The following TG variants were observed in gnomAD, a reference collection of about 807,000 sequenced individuals.
The protein encoded by TG is thyroid hormones.
TG carries 270 observed loss-of-function variants against 324.7 expected under a neutral mutation model. The ratio of observed to expected loss-of-function variants is 0.83; its 90% confidence interval spans 0.75 to 0.92. The LOEUF (loss-of-function observed/expected upper bound fraction) is 0.92. Ranked by LOEUF, TG falls within the 40% of genes least tolerant of loss-of-function variation. The probability of loss-of-function intolerance (pLI) is 0.00; values close to 1 mark genes in which losing one functional copy is unlikely to be tolerated. For synonymous variants in TG, 1,401 were observed against 1,327.0 expected, an observed-to-expected ratio of 1.06 and a Z score of -1.21; for missense variants, 3,591 against 3,456.4, an observed-to-expected ratio of 1.04 and a Z score of -0.98.
At chr8:132,875,985 G>A (rs1001279446) in intron 5 of TG, among the ~76,000 whole-genome samples, 6 of 152,118 alleles carry the variant, frequency 3.9e-5, no homozygotes, top group East Asian at 1.9e-4. Flanking sequence ...AGCAAGTTAC[G>A]TTTGAATTTC....
rs142463818 is a variant in TG, at chr8:133,133,226, G to T, written c.7998-244G>T. 8.1e-3 allele frequency among the ~76,000 whole-genome samples: 1,231 copies of T among 152,324 alleles called. 10 individuals are homozygous for T. The highest frequency in any genetic ancestry group is 0.013 in the Non-Finnish European group (875 of 68,032). On this transcript the variant is annotated intron_variant, in intron 46 of 47. Transcript: ENST00000220616. ...AGGGCAGCGCTAGGTCCTGGGTAAT[G>T]CTACCAGGTCATGACCTTAACACCT...
rs180729719 is a variant in TG at position 133,029,232 on chromosome 8, A to T, written c.7037-589A>T. Among the ~76,000 whole-genome samples, 32 of 138,552 alleles carry T rather than the reference A, an allele frequency of 2.3e-4. No homozygotes were observed. In the East Asian group the frequency reaches 5.7e-3, roughly 25 times the overall value. 90.9% of individuals were successfully genotyped at this position (138,552 alleles called of 152,430 possible). A position where few individuals can be genotyped will look rare whatever the true frequency, so the allele number is the denominator to read the frequency against. On this transcript the variant is annotated intron_variant, in intron 40 of 47. Coordinates refer to ENST00000220616, the MANE Select transcript of TG (RefSeq NM_003235.5). Reference sequence around the variant, plus strand: ...TGTTTGTATCTAGATCATTTTATTTAAAAAAAAAAATAGTGTTGAGTTTTC... The same window carrying T: ...TGTTTGTATCTAGATCATTTTATTTTAAAAAAAAAATAGTGTTGAGTTTTC...
chr8:132,896,161 A>G (rs1254270666), intron 11 of TG, among the ~76,000 whole-genome samples: 1 of 152,246 alleles, frequency 6.6e-6, no homozygotes, highest in African/African-American at 2.4e-5. Context: ...TAAATATCAC[A>G]GTTGTCTTGT....
At position 132,971,835 on chromosome 8, in the gene TG, G is replaced by A. The variant is rs1829565975; in HGVS notation, c.6017G>A (p.Cys2006Tyr). The change falls in exon 33 of 48, where the codon TGC becomes TAC. Residue 2006 changes from cysteine to tyrosine, a missense_variant. Transcript: ENST00000220616. ...CGACGGTGCGATGCGGACCCATGCT[G>A]CACTGGCTTTGGATTTCTAAATGTT... ...CERRCDADPCCTGFGFLNVSQ... is the reference protein window; with the variant it reads ...CERRCDADPCYTGFGFLNVSQ... The A allele has an allele frequency of 2.5e-6, 4 of 1,613,652 alleles. No individual in the cohort carries two copies. The East Asian group carries it at 6.7e-5, about 27-fold the overall frequency.
In TG at chr8:132,967,971, G is replaced by C; in HGVS notation, c.5863+1G>C. ...CCAAAGGCCCTGTTCCGGAAGAAAGGTGAGCACTTGGAGAGATCTGCATAA... is the reference window on the plus strand; with the variant it reads ...CCAAAGGCCCTGTTCCGGAAGAAAGCTGAGCACTTGGAGAGATCTGCATAA... On this transcript the variant is annotated splice_donor_variant, in intron 31 of 47. Transcript: ENST00000220616. LOFTEE classifies it high-confidence loss of function. 1.9e-6 allele frequency: 3 copies of C among 1,613,280 alleles called. No homozygotes were observed. Among genetic ancestry groups the C allele is most frequent in the Non-Finnish European group, 2.5e-6 (3 of 1,179,718 alleles).
At chr8:132,971,752 C>T (rs1829549093) in intron 32 of TG, 42 bp from the exon 33 acceptor site, 1 of 1,429,008 alleles carries the variant, frequency 7.0e-7, no homozygotes, top group East Asian at 2.3e-5. Context: ...CCTGGGTCAC[C>T]AGTGAAAACC....
Position 132,882,031 on chromosome 8 carries a change from TG to T in TG, c.745+64del, listed in dbSNP as rs1199407546. 4.9e-6 allele frequency: 6 copies of T among 1,213,946 alleles called. No homozygotes were observed. In the African/African-American group the frequency reaches 9.0e-5, roughly 18 times the overall value. The allele number at this position is 1,213,946 out of a possible 1,614,324, so 75.2% of individuals were successfully genotyped here. A position where few individuals can be genotyped will look rare whatever the true frequency, so the allele number is the denominator to read the frequency against. On this transcript the variant is annotated intron_variant, in intron 6 of 47. Transcript: ENST00000220616. ...GTGTGATTCCTCAGGTCTGAAAACCTGGATAACATTGCTTGTAAAGCACAGC... is the reference window on the plus strand; with the variant it reads ...GTGTGATTCCTCAGGTCTGAAAACCTGATAACATTGCTTGTAAAGCACAGC...
intron 40 of TG, 35 bp from the exon 41 acceptor site, chr8:133,029,786 T>C (rs1836448285): frequency 6.2e-7 from 1 of 1,613,476 alleles, no homozygotes. Context: ...GGTTGTAAAG[T>C]CACAAAGGAT....
intron 17 of TG, among the ~76,000 whole-genome samples, 195 bp from the exon 18 acceptor site, chr8:132,907,991 G>A (rs1446201270): frequency 6.6e-6 from 1 of 152,218 alleles, no homozygotes; most frequent in Non-Finnish European, 1.5e-5. Flanking sequence ...TGAGCTTTCT[G>A]TGAGGGTGCT....
intron 44 of TG, among the ~76,000 whole-genome samples, chr8:133,115,910 C>T (rs1283356326): frequency 3.3e-5 from 5 of 152,184 alleles, no homozygotes; most frequent in South Asian, 2.1e-4. Context: ...GGAGATTTCT[C>T]GGCTTCCTCA....
chr8:132,955,497 G>T (rs140782310), intron 27 of TG, among the ~76,000 whole-genome samples: 39 of 152,312 alleles, frequency 2.6e-4, no homozygotes, highest in African/African-American at 8.9e-4. Context: ...AGGGCTATTG[G>T]GCTCAGGAAT....
chr8:132,914,636 C>T (rs909287766), intron 20 of TG, among the ~76,000 whole-genome samples: 1 of 152,198 alleles, frequency 6.6e-6, no homozygotes, highest in Non-Finnish European at 1.5e-5. Flanking sequence ...TGAGATGGGG[C>T]ATCTGTCATG....
intron 36 of TG, 52 bp downstream of exon 36, chr8:133,012,087 T>A (rs1834562937): frequency 6.2e-7 from 1 of 1,612,198 alleles, no homozygotes; most frequent in Admixed American, 1.7e-5. Context: ...CTCACACAAG[T>A]GCTGCTCAAG....
chr8:133,026,317 C>G (rs539278407), intron 40 of TG, among the ~76,000 whole-genome samples: 1 of 152,208 alleles, frequency 6.6e-6, no homozygotes, highest in South Asian at 2.1e-4. Flanking sequence ...AGCAGAAGCT[C>G]GTGCCAGTCC....
intron 35 of TG, among the ~76,000 whole-genome samples, chr8:132,988,443 C>G (rs906945687): frequency 6.8e-6 from 1 of 146,714 alleles, no homozygotes; most frequent in African/African-American, 2.6e-5. Flanking sequence ...GGGGCCAAAG[C>G]GTAAAGTGCA....
At chr8:132,983,982 T>A (rs1831217184) in intron 35 of TG, among the ~76,000 whole-genome samples, 1 of 151,970 alleles carries the variant, frequency 6.6e-6, no homozygotes, top group African/African-American at 2.4e-5. Flanking sequence ...ATGGCATGAG[T>A]CAGCAGAAAG....
intron 26 of TG, among the ~76,000 whole-genome samples, chr8:132,946,037 T>TACAC (rs5895165): frequency 3.4e-5 from 4 of 116,872 alleles, no homozygotes; most frequent in Non-Finnish European, 4.2e-5. Context: ...AAAAATATGT[T>TACAC]ACACACACAC....
chr8:133,119,023 A>T (rs1850933117), intron 45 of TG, among the ~76,000 whole-genome samples: 1 of 152,228 alleles, frequency 6.6e-6, no homozygotes, highest in Non-Finnish European at 1.5e-5. Context: ...AAGGAATGCC[A>T]GTAGCAGCCA....
intron 34 of TG, among the ~76,000 whole-genome samples, chr8:132,977,508 T>A (rs6994572): frequency 0.6 from 91,236 of 151,786 alleles, 28,675 homozygotes; most frequent in African/African-American, 0.73. Flanking sequence ...TAAAGACTGG[T>A]TAATTTACAA....
Sources: allele counts gnomAD v4.1 joint callset (sites outside exome capture counted in the v4.1 genomes callset), GRCh38; gene constraint gnomAD v4.1.1; transcripts MANE v1.5; gene names NCBI Gene and HGNC (gene_info 2026-07-23, HGNC 2026-07-21).